TMEM108: variants seen among roughly 807,000 people sequenced by gnomAD.
The protein encoded by TMEM108 is cancer/testis antigen 124.
A neutral mutation model predicts 35.1 loss-of-function variants in TMEM108; 12 were observed. The observed-to-expected ratio is 0.34, with a 90% confidence interval of 0.22 to 0.55. The LOEUF is 0.55. Ranked by LOEUF, TMEM108 falls within the 20% of genes least tolerant of loss-of-function variation. TMEM108 has a pLI of 0.89. For synonymous variants in TMEM108, 287 were observed against 308.6 expected (o/e 0.93, Z 0.73); for missense variants, 680 against 753.3 (o/e 0.90, Z 1.14).
chr3:133,249,744 T>G (rs889931835), intron 3 of TMEM108, among the ~76,000 whole-genome samples: 1 of 152,168 alleles, frequency 6.6e-6, no homozygotes, highest in East Asian at 1.9e-4. Flanking sequence ...ACGTCTTTGT[T>G]ATGGTGAATA....
chr3:133,040,451 C>T (rs1943261794), intron 1 of TMEM108, among the ~76,000 whole-genome samples: 1 of 152,122 alleles, frequency 6.6e-6, no homozygotes, highest in African/African-American at 2.4e-5. Flanking sequence ...GATCCACCTG[C>T]CTCAGCCTCC....
At chr3:133,318,939 G>T (rs1430045578) in intron 3 of TMEM108, among the ~76,000 whole-genome samples, 1 of 92,050 alleles carries the variant, frequency 1.1e-5, no homozygotes, top group African/African-American at 4.6e-5. Flanking sequence ...AAACTCAGGG[G>T]AAGTGTATAG....
intron 2 of TMEM108, among the ~76,000 whole-genome samples, chr3:133,071,637 A>G (rs1309654404): frequency 6.6e-6 from 1 of 152,160 alleles, no homozygotes; most frequent in Admixed American, 6.5e-5. Flanking sequence ...TTTGTGTATT[A>G]TCTATGGAAA....
At chr3:133,326,939 G>A (rs73207711) in intron 3 of TMEM108, among the ~76,000 whole-genome samples, 6,681 of 152,278 alleles carry the variant, frequency 0.044, 189 homozygotes, top group Non-Finnish European at 0.064. Flanking sequence ...CCTCCGTTAG[G>A]TGCTCTCTTG....
intron 3 of TMEM108, among the ~76,000 whole-genome samples, chr3:133,283,394 CTGCATTTCAGGTCTTAA>C (rs1946942548): frequency 6.6e-6 from 1 of 152,196 alleles, no homozygotes; most frequent in African/African-American, 2.4e-5. Flanking sequence ...CTGAAAACCT[CTGCATTTCAGGTCTTAA>C]TTACCCTGTC....
At chr3:133,090,133 A>G (rs972840361) in intron 2 of TMEM108, among the ~76,000 whole-genome samples, 3 of 152,240 alleles carry the variant, frequency 2.0e-5, no homozygotes, top group African/African-American at 7.2e-5. Flanking sequence ...GTGCCTAAGT[A>G]CAAAATGAAT....
chr3:133,088,586 G>A (rs1222704394), intron 2 of TMEM108, among the ~76,000 whole-genome samples: 1 of 152,212 alleles, frequency 6.6e-6, no homozygotes, highest in Non-Finnish European at 1.5e-5. Flanking sequence ...ATCTGTGCTA[G>A]TAGTTCATCC....
chr3:133,291,613 C>T (rs1947070664), intron 3 of TMEM108, among the ~76,000 whole-genome samples: 1 of 152,034 alleles, frequency 6.6e-6, no homozygotes, highest in Non-Finnish European at 1.5e-5. Flanking sequence ...CAGCAGCAAC[C>T]TTCATGGAGC....
intron 1 of TMEM108, among the ~76,000 whole-genome samples, chr3:133,042,505 T>G (rs1943287267): frequency 6.6e-6 from 1 of 152,236 alleles, no homozygotes; most frequent in African/African-American, 2.4e-5. Context: ...TTAAAATCTC[T>G]TCCAAGTCTA....
chr3:133,388,825 T>C, intron 4 of TMEM108: 2 of 985,504 alleles, frequency 2.0e-6, no homozygotes, highest in Non-Finnish European at 2.4e-6. Flanking sequence ...GGTGCCAGCT[T>C]GTGCAACTGC....
chr3:133,364,661 AG>A (rs1161296285), intron 3 of TMEM108, among the ~76,000 whole-genome samples: 1 of 152,224 alleles, frequency 6.6e-6, no homozygotes, highest in Non-Finnish European at 1.5e-5. Flanking sequence ...AAATCCTTAA[AG>A]GGATGTTAAA....
At chr3:133,236,842 C>G (rs1946244345) in intron 3 of TMEM108, among the ~76,000 whole-genome samples, 1 of 152,068 alleles carries the variant, frequency 6.6e-6, no homozygotes, top group South Asian at 2.1e-4. Flanking sequence ...CCAAAGCCCC[C>G]AACATGCTAC....
At chr3:133,072,352 A>G (rs1166627817) in intron 2 of TMEM108, among the ~76,000 whole-genome samples, 1 of 152,154 alleles carries the variant, frequency 6.6e-6, no homozygotes, top group African/African-American at 2.4e-5. Flanking sequence ...TATGTAATAA[A>G]GCCTCAGGAT....
chr3:133,343,159 A>T (rs2071715830), intron 3 of TMEM108, among the ~76,000 whole-genome samples: 1 of 151,870 alleles, frequency 6.6e-6, no homozygotes, highest in Non-Finnish European at 1.5e-5. Flanking sequence ...GAGGAAACTA[A>T]ATCCAAAATG....
intron 3 of TMEM108, chr3:133,303,238 A>G (rs908310344): frequency 6.6e-6 from 1 of 152,166 alleles, no homozygotes; most frequent in Non-Finnish European, 1.5e-5. Context: ...GTTTTTGAGC[A>G]GTAACCACCA....
intron 3 of TMEM108, among the ~76,000 whole-genome samples, chr3:133,232,521 T>A (rs1946168421): frequency 6.6e-6 from 1 of 152,160 alleles, no homozygotes; most frequent in African/African-American, 2.4e-5. Context: ...CCTCTTTTCT[T>A]TATGAATTAC....
chr3:133,125,573 C>G (rs1170106472), intron 2 of TMEM108, among the ~76,000 whole-genome samples: 1 of 152,158 alleles, frequency 6.6e-6, no homozygotes, highest in African/African-American at 2.4e-5. Flanking sequence ...GGGGTAGTAT[C>G]AGATCCTAGG....
intron 2 of TMEM108, among the ~76,000 whole-genome samples, chr3:133,204,674 T>TA (rs1310174456): frequency 6.6e-6 from 1 of 152,216 alleles, no homozygotes; most frequent in Non-Finnish European, 1.5e-5. Context: ...GACTACTTGT[T>TA]ATGATTTACA....
chr3:133,068,342 A>G lies in TMEM108; in HGVS notation c.-47+22322A>G, dbSNP rs1251044190. The stretch of plus-strand genomic sequence containing the variant: ...GTGTGGGGCAGGTTGGAGGGAGAGA[A>G]GGAAACAGAGGCAGCACTTCGGGCC... On this transcript the variant is annotated intron_variant, in intron 2 of 5. Transcript: ENST00000321871. Among the ~76,000 whole-genome samples the G allele has an allele frequency of 3.9e-5, 6 of 152,232 alleles. No individual in the cohort carries two copies. The East Asian group carries it at 1.2e-3, about 29-fold the overall frequency.
Sources: allele counts gnomAD v4.1 joint callset (sites outside exome capture counted in the v4.1 genomes callset), GRCh38; gene constraint gnomAD v4.1.1; transcripts MANE v1.5; gene names NCBI Gene and HGNC (gene_info 2026-07-23, HGNC 2026-07-21).